The following DDI2 variants were observed in gnomAD, a reference collection of about 807,000 sequenced individuals.
DDI2 encodes DDI proteasomal shuttling factor 2.
In DDI2, 5 loss-of-function variants were observed where a neutral mutation model predicts 48.1. The observed-to-expected ratio is 0.10, with a 90% confidence interval of 0.05 to 0.22. DDI2 has a LOEUF of 0.22. DDI2 is among the 10% of genes least tolerant of loss of function. DDI2 has a pLI of 1.00. For synonymous variants in DDI2, 205 were observed against 183.6 expected (o/e 1.12, Z -0.94); for missense variants, 285 against 506.2 (o/e 0.56, Z 4.19).
rs1640372459 is a variant in DDI2 at position 15,661,327 on chromosome 1, A to G, written c.*1537A>G. 4 of 1,613,948 alleles carry G rather than the reference A, an allele frequency of 2.5e-6. No homozygotes were observed. Among genetic ancestry groups the G allele is most frequent in the Non-Finnish European group, 3.4e-6 (4 of 1,179,982 alleles). ...TAAAACATCCAATCAGTTACACTGCACCTTAGGTGTAGAAATTTCACCCAA... is the reference window on the plus strand; with the variant it reads ...TAAAACATCCAATCAGTTACACTGCGCCTTAGGTGTAGAAATTTCACCCAA... On this transcript the variant is annotated 3_prime_UTR_variant, in exon 10 of 10. Transcript: ENST00000480945.
rs1192087550 is a variant in DDI2, at chr1:15,665,699, T to A, written c.*5909T>A. ...CTACAGACGTACTCTTCACTTATGGTGGCTTTTATCCCGCCACATATATAA... is the reference window on the plus strand; with the variant it reads ...CTACAGACGTACTCTTCACTTATGGAGGCTTTTATCCCGCCACATATATAA... On this transcript the variant is annotated 3_prime_UTR_variant, in exon 10 of 10. Transcript: ENST00000480945. 2 of 152,198 alleles carry A rather than the reference T, an allele frequency of 1.3e-5. No homozygotes were observed. The highest frequency in any genetic ancestry group is 2.4e-5 in the African/African-American group (1 of 41,458). The allele number at this position is 152,198 out of a possible 1,614,324, so 9.4% of individuals were successfully genotyped here. A position where few individuals can be genotyped will look rare whatever the true frequency, so the allele number is the denominator to read the frequency against.
chr1:15,644,839 C>T (rs1055910770), intron 6 of DDI2, among the ~76,000 whole-genome samples: 3 of 151,740 alleles, frequency 2.0e-5, no homozygotes, highest in East Asian at 1.9e-4. Flanking sequence ...GTGATCCGCC[C>T]GCCTCGGCCT....
At position 15,643,457 on chromosome 1, in the gene DDI2, A is replaced by G. The variant is rs116169456; in HGVS notation, c.761-65A>G. The G allele has an allele frequency of 1.7e-3, 2,764 of 1,588,980 alleles. 44 individuals are homozygous for G. In the African/African-American group the frequency reaches 0.029, roughly 17 times the overall value. On this transcript the variant is annotated intron_variant, in intron 5 of 9. Transcript: ENST00000480945. Reference sequence around the variant, plus strand: ...TTTCGCTTTGTTATTATTTAGTGCTATATTTTGAGTCTTCTCACAAAGTGG... The same window carrying G: ...TTTCGCTTTGTTATTATTTAGTGCTGTATTTTGAGTCTTCTCACAAAGTGG...
At chr1:15,645,000 C>G (rs1250218546) in intron 6 of DDI2, among the ~76,000 whole-genome samples, 1 of 148,924 alleles carries the variant, frequency 6.7e-6, no homozygotes, top group Non-Finnish European at 1.5e-5. Flanking sequence ...AGCGATTCTC[C>G]TGACTCAGCC....
chr1:15,660,776 A>G lies in DDI2; in HGVS notation c.*986A>G. The G allele has an allele frequency of 6.2e-7, 1 of 1,613,938 alleles. No individual in the cohort carries two copies. Among genetic ancestry groups the G allele is most frequent in the Non-Finnish European group, 8.5e-7 (1 of 1,180,000 alleles). On this transcript the variant is annotated 3_prime_UTR_variant, in exon 10 of 10. Coordinates refer to ENST00000480945, the MANE Select transcript of DDI2 (RefSeq NM_032341.5). ...AACCCTTCATCTGAAATTTTGAATG[A>G]TTCCATTTCCACTCAGGATTTACAG...
rs1331434688 is a variant in DDI2, at chr1:15,661,000, G to A, written c.*1210G>A. ...AGCTTCAGAAAATACATCTGAAGAA[G>A]TAATCTGTCAATCAGAAACCATAGC... On this transcript the variant is annotated 3_prime_UTR_variant, in exon 10 of 10. Transcript: ENST00000480945. The A allele has an allele frequency of 6.2e-7, 1 of 1,614,046 alleles. No individual in the cohort carries two copies. Among genetic ancestry groups the A allele is most frequent in the Non-Finnish European group, 8.5e-7 (1 of 1,179,976 alleles).
chr1:15,644,898 T>C (rs963721699), intron 6 of DDI2, among the ~76,000 whole-genome samples: 1 of 150,886 alleles, frequency 6.6e-6, no homozygotes, highest in African/African-American at 2.4e-5. Flanking sequence ...CGGCCTCTTT[T>C]CTGTTTTTTT....
At chr1:15,632,931 TAAA>T (rs766037022) in intron 3 of DDI2, among the ~76,000 whole-genome samples, 18,503 of 105,106 alleles carry the variant, frequency 0.18, 1,948 homozygotes, top group African/African-American at 0.2. Flanking sequence ...TTTTTTTTTT[TAAA>T]AAAAAAAAAA....
At chr1:15,656,744 C>T (rs554672993) in intron 9 of DDI2, 65 bp downstream of exon 9, 21 of 1,602,374 alleles carry the variant, frequency 1.3e-5, no homozygotes, top group Middle Eastern at 1.7e-4. Context: ...AGTCTGTATC[C>T]GCAGCAGTTT....
Position 15,660,119 on chromosome 1 carries a change from C to CA in DDI2, c.*330dup. Reference sequence around the variant, plus strand: ...GATCTTTCTGATCATGCTTCCTCAGCAGACCATGCTCCAACAGACCAGAGT... The same window carrying CA: ...GATCTTTCTGATCATGCTTCCTCAGCAAGACCATGCTCCAACAGACCAGAGT... On this transcript the variant is annotated 3_prime_UTR_variant, in exon 10 of 10. Coordinates refer to ENST00000480945, the MANE Select transcript of DDI2 (RefSeq NM_032341.5). 1 of 1,614,210 alleles carries CA rather than the reference C, an allele frequency of 6.2e-7. No individual in the cohort carries two copies. Among genetic ancestry groups the CA allele is most frequent in the Non-Finnish European group, 8.5e-7 (1 of 1,180,040 alleles).
rs1230328066 is a variant in DDI2 at position 15,667,262 on chromosome 1, A to G, written c.*7472A>G. 6.6e-6 allele frequency: 1 copy of G among 152,124 alleles called. No individual in the cohort carries two copies. The highest frequency in any genetic ancestry group is 1.5e-5 in the Non-Finnish European group (1 of 68,030). 9.4% of individuals were successfully genotyped at this position (152,124 alleles called of 1,614,324 possible). ...CAGAGAAACCAACAAAATATGTAAC[A>G]TGTATAAATGCCTGAGGAGATCAGT... is the stretch of plus-strand genomic sequence containing the variant. On this transcript the variant is annotated 3_prime_UTR_variant, in exon 10 of 10. Coordinates refer to ENST00000480945, the MANE Select transcript of DDI2 (RefSeq NM_032341.5).
chr1:15,656,411 A>T lies in DDI2; in HGVS notation c.1184-206A>T, dbSNP rs918179832. 5 of 1,419,340 alleles carry T rather than the reference A, an allele frequency of 3.5e-6. No homozygotes were observed. In the African/African-American group the frequency reaches 4.4e-5, roughly 12 times the overall value. The allele number at this position is 1,419,340 out of a possible 1,614,324, so 87.9% of individuals were successfully genotyped here. The stretch of plus-strand genomic sequence containing the variant: ...TACAAGATCTATTAAAAATCTGTTG[A>T]AATTAACAGATTGCTGTGTGTATTG... On this transcript the variant is annotated intron_variant, in intron 8 of 9. Coordinates refer to ENST00000480945, the MANE Select transcript of DDI2 (RefSeq NM_032341.5).
At position 15,664,274 on chromosome 1, in the gene DDI2, A is replaced by AC. The variant is rs1640419879; in HGVS notation, c.*4485dup. On this transcript the variant is annotated 3_prime_UTR_variant, in exon 10 of 10. Coordinates refer to ENST00000480945, the MANE Select transcript of DDI2 (RefSeq NM_032341.5). ...GTGAAACCTCATCTCTACTAAAAAT[A>AC]CAAAAAATTAGCTGGGCATGGTGGC... 1 of 152,138 alleles carries AC rather than the reference A, an allele frequency of 6.6e-6. No individual in the cohort carries two copies. The highest frequency in any genetic ancestry group is 2.4e-5 in the African/African-American group (1 of 41,422). The allele number at this position is 152,138 out of a possible 1,614,324, so 9.4% of individuals were successfully genotyped here. A position where few individuals can be genotyped will look rare whatever the true frequency, so the allele number is the denominator to read the frequency against.
intron 1 of DDI2, 63 bp from the exon 2 acceptor site, chr1:15,626,606 T>C: frequency 6.3e-7 from 1 of 1,595,514 alleles, no homozygotes; most frequent in Non-Finnish European, 8.6e-7. Flanking sequence ...AAACTGGTCC[T>C]TCTGCCTTGC....
At position 15,661,102 on chromosome 1, in the gene DDI2, C is replaced by T. The variant is rs1480232289; in HGVS notation, c.*1312C>T. On this transcript the variant is annotated 3_prime_UTR_variant, in exon 10 of 10. Coordinates refer to ENST00000480945, the MANE Select transcript of DDI2 (RefSeq NM_032341.5). ...GCATCTTACCCAGAATGAACAGTGT[C>T]CACAAGTCTCCTTTCATCAGGCCAT... is the stretch of plus-strand genomic sequence containing the variant. 9 of 1,613,846 alleles carry T rather than the reference C, an allele frequency of 5.6e-6. No homozygotes were observed. The highest frequency in any genetic ancestry group is 5.9e-6 in the Non-Finnish European group (7 of 1,179,886).
intron 6 of DDI2, among the ~76,000 whole-genome samples, chr1:15,645,237 T>A (rs1640072073): frequency 6.6e-6 from 1 of 152,194 alleles, no homozygotes; most frequent in South Asian, 2.1e-4. Context: ...TTGACCTCAG[T>A]GTTTTGAATT....
At chr1:15,638,530 CTTTTTTTTTTT>C (rs775059343) in intron 5 of DDI2, 96 bp downstream of exon 5, 5 of 570,976 alleles carry the variant, frequency 8.8e-6, no homozygotes, top group Non-Finnish European at 1.2e-5. Flanking sequence ...GATGGCTGTA[CTTTTTTTTTTT>C]TTTTTTTTTT....
intron 4 of DDI2, among the ~76,000 whole-genome samples, chr1:15,637,481 C>T (rs1165114381): frequency 6.6e-6 from 1 of 152,118 alleles, no homozygotes; most frequent in African/African-American, 2.4e-5. Flanking sequence ...AGTTCTACTG[C>T]CTCAGCCTCC....
chr1:15,660,710 C>CT lies in DDI2; in HGVS notation c.*923dup. ...AAGAACATTGGTGCATTGGATCTCACTTTAGATAATCCCTTGATGGAAGTA... is the reference window on the plus strand; with the variant it reads ...AAGAACATTGGTGCATTGGATCTCACTTTTAGATAATCCCTTGATGGAAGTA... On this transcript the variant is annotated 3_prime_UTR_variant, in exon 10 of 10. Transcript: ENST00000480945. The CT allele has an allele frequency of 6.2e-7, 1 of 1,613,940 alleles. No homozygotes were observed. The highest frequency in any genetic ancestry group is 2.2e-5 in the East Asian group (1 of 44,880).
Sources: allele counts gnomAD v4.1 joint callset (sites outside exome capture counted in the v4.1 genomes callset), GRCh38; gene constraint gnomAD v4.1.1; transcripts MANE v1.5; gene names NCBI Gene and HGNC (gene_info 2026-07-23, HGNC 2026-07-21).